The following LSAMP variants were observed in gnomAD, a reference collection of about 807,000 sequenced individuals.
The protein encoded by LSAMP is limbic system associated membrane protein, also known as limbic system-associated membrane protein.
A neutral mutation model predicts 38.6 loss-of-function variants in LSAMP; 7 were observed. The ratio of observed to expected loss-of-function variants is 0.18; its 90% confidence interval spans 0.10 to 0.34. The LOEUF is 0.34. LSAMP is among the 10% of genes least tolerant of loss of function. LSAMP has a pLI of 1.00. For missense variants in LSAMP, 313 were observed against 420.0 expected (o/e 0.75, Z 2.23); for synonymous variants, 154 against 166.8 (o/e 0.92, Z 0.59).
At chr3:116,407,480 C>G (rs530138803) in intron 1 of LSAMP, among the ~76,000 whole-genome samples, 2 of 152,136 alleles carry the variant, frequency 1.3e-5, no homozygotes, top group South Asian at 2.1e-4. Context: ...CTATACCCAC[C>G]AGTAAGGATA....
chr3:116,120,672 G>A (rs577382327), intron 1 of LSAMP, among the ~76,000 whole-genome samples: 1 of 152,066 alleles, frequency 6.6e-6, no homozygotes, highest in African/African-American at 2.4e-5. Flanking sequence ...CTGGATGAGT[G>A]GTCCATAACC....
intron 1 of LSAMP, among the ~76,000 whole-genome samples, chr3:116,427,280 C>T (rs1267044655): frequency 1.3e-5 from 2 of 151,324 alleles, no homozygotes; most frequent in Non-Finnish European, 2.9e-5. Context: ...ACCACCGCGC[C>T]CGGCTAATTT....
chr3:116,204,810 T>C (rs1172628532), intron 1 of LSAMP, among the ~76,000 whole-genome samples: 1 of 149,340 alleles, frequency 6.7e-6, no homozygotes, highest in Non-Finnish European at 1.5e-5. Context: ...TGTAGCCTTG[T>C]AGTATAGTTT....
intron 1 of LSAMP, among the ~76,000 whole-genome samples, chr3:116,221,726 C>T (rs141182507): frequency 6.6e-6 from 1 of 152,230 alleles, no homozygotes; most frequent in East Asian, 1.9e-4. Flanking sequence ...ATCCTGGTGT[C>T]TCACTACTTC....
chr3:115,838,705 G>A (rs1559844233), intron 6 of LSAMP, among the ~76,000 whole-genome samples: 1 of 152,128 alleles, frequency 6.6e-6, no homozygotes, highest in Non-Finnish European at 1.5e-5. Context: ...ACCAGCTCAG[G>A]AAAAATTTAC....
intron 1 of LSAMP, among the ~76,000 whole-genome samples, chr3:116,185,761 T>C (rs1469056919): frequency 6.6e-6 from 1 of 152,032 alleles, no homozygotes; most frequent in East Asian, 1.9e-4. Flanking sequence ...GCTTTTTAAA[T>C]TCACTGTAGT....
At chr3:115,952,178 A>T (rs1207566157) in intron 3 of LSAMP, among the ~76,000 whole-genome samples, 1 of 152,238 alleles carries the variant, frequency 6.6e-6, no homozygotes, top group Non-Finnish European at 1.5e-5. Flanking sequence ...AAGAACTAAA[A>T]GTAGAACTAC....
At chr3:115,908,495 A>G (rs1272482691) in intron 3 of LSAMP, among the ~76,000 whole-genome samples, 1 of 152,122 alleles carries the variant, frequency 6.6e-6, no homozygotes, top group East Asian at 1.9e-4. Context: ...GTATTCAGCA[A>G]AGTGGAAGAT....
chr3:116,177,299 C>G (rs919352403), intron 1 of LSAMP, among the ~76,000 whole-genome samples: 6 of 152,118 alleles, frequency 3.9e-5, no homozygotes, highest in African/African-American at 1.4e-4. Flanking sequence ...ATAAGGAATA[C>G]TTGGATCCTA....
chr3:116,335,534 AAT>A (rs1275112041), intron 1 of LSAMP, among the ~76,000 whole-genome samples: 1 of 152,122 alleles, frequency 6.6e-6, no homozygotes, highest in East Asian at 1.9e-4. Flanking sequence ...AATGGAATAG[AAT>A]AGAGAGCCCA....
At chr3:116,299,407 C>T (rs2047377440) in intron 1 of LSAMP, among the ~76,000 whole-genome samples, 1 of 152,216 alleles carries the variant, frequency 6.6e-6, no homozygotes, top group Non-Finnish European at 1.5e-5. Flanking sequence ...CGAACATGGT[C>T]ACTCTTTCAA....
chr3:115,816,959 G>A (rs1054995338), intron 6 of LSAMP, among the ~76,000 whole-genome samples: 3 of 152,174 alleles, frequency 2.0e-5, no homozygotes, highest in South Asian at 2.1e-4. Flanking sequence ...ACTCTTGACC[G>A]CAATTTAGTG....
At chr3:116,359,310 A>T (rs1358482986) in intron 1 of LSAMP, among the ~76,000 whole-genome samples, 2 of 152,242 alleles carry the variant, frequency 1.3e-5, no homozygotes. Context: ...CAACTCAAAA[A>T]GTGTTCAAAT....
intron 1 of LSAMP, among the ~76,000 whole-genome samples, chr3:116,326,865 G>A (rs1452615214): frequency 6.6e-6 from 1 of 151,990 alleles, no homozygotes; most frequent in African/African-American, 2.4e-5. Flanking sequence ...GGCTTTTAAT[G>A]GTATGGGGAT....
At chr3:116,189,576 C>T (rs1228699651) in intron 1 of LSAMP, among the ~76,000 whole-genome samples, 1 of 152,160 alleles carries the variant, frequency 6.6e-6, no homozygotes, top group East Asian at 1.9e-4. Flanking sequence ...GAAACTCAGC[C>T]CTGTGAACAC....
At chr3:115,976,329 A>C (rs1389490226) in intron 3 of LSAMP, among the ~76,000 whole-genome samples, 1 of 152,202 alleles carries the variant, frequency 6.6e-6, no homozygotes, top group Non-Finnish European at 1.5e-5. Flanking sequence ...AGATTAGGGG[A>C]GATGGAAAGG....
intron 3 of LSAMP, among the ~76,000 whole-genome samples, chr3:115,920,558 T>C (rs1389866202): frequency 6.6e-6 from 1 of 152,186 alleles, no homozygotes; most frequent in Non-Finnish European, 1.5e-5. Flanking sequence ...ATCAGGTTTT[T>C]TGTTATTGAG....
chr3:116,134,177 T>C (rs1709196656), intron 1 of LSAMP, among the ~76,000 whole-genome samples: 1 of 152,202 alleles, frequency 6.6e-6, no homozygotes, highest in Non-Finnish European at 1.5e-5. Flanking sequence ...TTTCAAGCCA[T>C]ACTTGATTCT....
At chr3:116,339,208 G>A (rs760341804) in intron 1 of LSAMP, among the ~76,000 whole-genome samples, 16 of 151,854 alleles carry the variant, frequency 1.1e-4, no homozygotes, top group South Asian at 4.1e-4. Context: ...AACTTGGTGC[G>A]TAGGTCAGGC....
Sources: allele counts gnomAD v4.1 joint callset (sites outside exome capture counted in the v4.1 genomes callset), GRCh38; gene constraint gnomAD v4.1.1; transcripts MANE v1.5; gene names NCBI Gene and HGNC (gene_info 2026-07-23, HGNC 2026-07-21).